The following RAD51AP2 variants were observed in gnomAD, a reference collection of about 807,000 sequenced individuals.
RAD51AP2 encodes RAD51 associated protein 2, also known as RAD51-associated protein 2.
RAD51AP2 carries 67 observed loss-of-function variants against 85.5 expected under a neutral mutation model. The observed-to-expected ratio is 0.78, with a 90% CI of 0.64 to 0.96. The LOEUF (loss-of-function observed/expected upper bound fraction) is 0.96, where lower values mean the gene tolerates loss of function less well. RAD51AP2 is among the 40% of genes least tolerant of loss of function. The probability of loss-of-function intolerance (pLI) is 0.00; values close to 1 mark genes in which losing one functional copy is unlikely to be tolerated. For synonymous variants in RAD51AP2, 474 were observed against 446.5 expected (o/e 1.06, Z -0.78); for missense variants, 1,307 against 1,332.4 (o/e 0.98, Z 0.30).
chr2:17,511,151 C>A (rs1308971880), intron 2 of RAD51AP2, among the ~76,000 whole-genome samples, 196 bp from the exon 3 acceptor site: 3 of 152,106 alleles, frequency 2.0e-5, no homozygotes, highest in Non-Finnish European at 4.4e-5. Flanking sequence ...AACATAAGCA[C>A]AAAAAGTTAA....
At chr2:17,522,800 C>T (rs1439782620), upstream of RAD51AP2, among the ~76,000 whole-genome samples, 1 of 151,738 alleles carries the variant, frequency 6.6e-6, no homozygotes, top group African/African-American at 2.4e-5. Context: ...TAGATTACTT[C>T]CTCCTTTTGT....
Position 17,510,597 on chromosome 2 carries a change from C to T in RAD51AP2, c.*207G>A, listed in dbSNP as rs554305708. 3.1e-5 allele frequency: 10 copies of T among 326,312 alleles called. No homozygotes were observed. The highest frequency in any genetic ancestry group is 1.1e-4 in the South Asian group (1 of 8,846). 20.2% of individuals were successfully genotyped at this position (326,312 alleles called of 1,614,324 possible). A position where few individuals can be genotyped will look rare whatever the true frequency, so the allele number is the denominator to read the frequency against. On this transcript the variant is annotated 3_prime_UTR_variant, in exon 3 of 3. Coordinates refer to ENST00000399080, the MANE Select transcript of RAD51AP2 (RefSeq NM_001099218.3). ...CAACATGTTTTATCCAATAATGAAA[C>T]GGCTTTAATGTGTACATTTTTATAT...
At chr2:17,533,777 T>C in the RAD51AP2 span, among the ~76,000 whole-genome samples, 1 of 152,134 alleles carries the variant, frequency 6.6e-6, no homozygotes, top group Non-Finnish European at 1.5e-5. Context: ...TAGTTAGGCA[T>C]AGGGGTGCAT....
the RAD51AP2 span, among the ~76,000 whole-genome samples, chr2:17,532,533 T>C: frequency 0.56 from 85,294 of 151,832 alleles, 26,902 homozygotes; most frequent in East Asian, 0.89. Flanking sequence ...AAAAAAAAAT[T>C]ATAAGAAAAA....
chr2:17,530,502 G>A, the RAD51AP2 span, among the ~76,000 whole-genome samples: 1 of 142,612 alleles, frequency 7.0e-6, no homozygotes, highest in Non-Finnish European at 1.5e-5. Context: ...GATTACTTGA[G>A]CCCAAGAGGT....
chr2:17,513,319 G>A (rs1428221294), intron 2 of RAD51AP2, among the ~76,000 whole-genome samples: 2 of 141,548 alleles, frequency 1.4e-5, no homozygotes, highest in Non-Finnish European at 3.0e-5. Context: ...CTCACTGCAA[G>A]CCCCGCCTCC....
chr2:17,533,865 T>C, the RAD51AP2 span, among the ~76,000 whole-genome samples: 1 of 152,314 alleles, frequency 6.6e-6, no homozygotes, highest in East Asian at 1.9e-4. Context: ...CAGTGAGCTA[T>C]GATTGTACCA....
chr2:17,512,963 A>G (rs1252237693), intron 2 of RAD51AP2, among the ~76,000 whole-genome samples: 1 of 152,208 alleles, frequency 6.6e-6, no homozygotes. Flanking sequence ...ATGCAGAAAA[A>G]ATGTTTTGAG....
chr2:17,513,019 C>T (rs1015116416), intron 2 of RAD51AP2, among the ~76,000 whole-genome samples: 8 of 152,080 alleles, frequency 5.3e-5, no homozygotes, highest in Non-Finnish European at 1.2e-4. Context: ...ATTTAACCTA[C>T]AATGTTACTC....
Position 17,516,265 on chromosome 2 carries a change from A to G in RAD51AP2, c.2151T>C (p.Val717=). The change falls in exon 1 of 3, where the codon GTT becomes GTC. Residue 717 remains valine (V), a synonymous_variant. Coordinates refer to ENST00000399080, the MANE Select transcript of RAD51AP2 (RefSeq NM_001099218.3). ...AGTGAGCCCAATTTTCCACATTCAC[A>G]ACTTGTTGAGGACAACTCATATTCT... is the stretch of plus-strand genomic sequence containing the variant. ...TCQNMSCPQQ[V]VNVENWAHYN... The G allele has an allele frequency of 6.8e-6, 11 of 1,610,944 alleles. No individual in the cohort carries two copies. The highest frequency in any genetic ancestry group is 9.3e-6 in the Non-Finnish European group (11 of 1,179,216).
chr2:17,516,919 G>T lies in RAD51AP2; in HGVS notation c.1497C>A (p.Val499=). The T allele has an allele frequency of 1.3e-6, 2 of 1,595,356 alleles. No individual in the cohort carries two copies. The highest frequency in any genetic ancestry group is 1.7e-6 in the Non-Finnish European group (2 of 1,172,880). ...TTTCAAAAGGGTTGTTCACATGAAA[G>T]ACTTTTTGTGTAGTATTGTATCTCA... is the stretch of plus-strand genomic sequence containing the variant. The part of the protein sequence containing the change: ...LQLRYNTTQK[V]FHVNNPFESF... Residue 499 remains valine, a synonymous_variant, in exon 1 of 3, where the codon GTC becomes GTA. Transcript: ENST00000399080.
the RAD51AP2 span, among the ~76,000 whole-genome samples, chr2:17,535,516 T>C: frequency 1.3e-5 from 2 of 152,108 alleles, no homozygotes; most frequent in African/African-American, 4.8e-5. Flanking sequence ...GATGAGAGGC[T>C]GAACTAATAC....
the RAD51AP2 span, among the ~76,000 whole-genome samples, chr2:17,531,461 A>G: frequency 6.6e-6 from 1 of 152,228 alleles, no homozygotes; most frequent in African/African-American, 2.4e-5. Context: ...GAATGTTTCT[A>G]AAAACATCAT....
Position 17,518,104 on chromosome 2 carries a change from G to A in RAD51AP2, c.312C>T (p.Cys104=). 2.5e-6 allele frequency: 4 copies of A among 1,614,200 alleles called. No homozygotes were observed. Among genetic ancestry groups the A allele is most frequent in the Non-Finnish European group, 3.4e-6 (4 of 1,180,032 alleles). ...VSGKQICNLK[C]SNLKFQMSSC... The stretch of plus-strand genomic sequence containing the variant: ...TACTCATTTGGAATTTGAGATTTGA[G>A]CATTTCAGATTACATATCTGCTTCC... Residue 104 remains cysteine, a synonymous_variant, in exon 1 of 3, where the codon TGC becomes TGT. Coordinates refer to ENST00000399080, the MANE Select transcript of RAD51AP2 (RefSeq NM_001099218.3).
In RAD51AP2 at chr2:17,515,249, T is replaced by TGGAA. The variant is rs1473544929; in HGVS notation, c.3166_3167insTTCC (p.Asn1056IlefsTer9). Reference sequence around the variant, plus strand: ...CTCATTAGGAACTTCCTGTTCTCCATTATTGGGTACAGTTTTCCATTTAAA... The same window carrying TGGAA: ...CTCATTAGGAACTTCCTGTTCTCCATGGAATATTGGGTACAGTTTTCCATTTAAA... On this transcript the variant is annotated frameshift_variant, in exon 1 of 3. Coordinates refer to ENST00000399080, the MANE Select transcript of RAD51AP2 (RefSeq NM_001099218.3). LOFTEE classifies it high-confidence loss of function. The TGGAA allele has an allele frequency of 6.2e-7, 1 of 1,612,984 alleles. No individual in the cohort carries two copies. Among genetic ancestry groups the TGGAA allele is most frequent in the Non-Finnish European group, 8.5e-7 (1 of 1,179,360 alleles).
the RAD51AP2 span, among the ~76,000 whole-genome samples, chr2:17,536,796 G>A: frequency 6.6e-6 from 1 of 152,130 alleles, no homozygotes; most frequent in East Asian, 1.9e-4. Context: ...TCTGCAGAAG[G>A]AGGCCTAAAA....
chr2:17,534,369 T>C, the RAD51AP2 span, among the ~76,000 whole-genome samples: 1 of 152,212 alleles, frequency 6.6e-6, no homozygotes, highest in Non-Finnish European at 1.5e-5. Flanking sequence ...TGCATATTCT[T>C]GTCATCCCAA....
chr2:17,532,627 G>T, the RAD51AP2 span, among the ~76,000 whole-genome samples: 1 of 152,010 alleles, frequency 6.6e-6, no homozygotes, highest in African/African-American at 2.4e-5. Context: ...TGGAGGCAAG[G>T]GAACCATTGA....
chr2:17,516,844 T>G lies in RAD51AP2; in HGVS notation c.1572A>C (p.Lys524Asn). 1 of 1,547,816 alleles carries G rather than the reference T, an allele frequency of 6.5e-7. No homozygotes were observed. The highest frequency in any genetic ancestry group is 1.2e-5 in the South Asian group (1 of 81,708). ...FYFHKSISGN[K>N]KDNSILTCCN... ...AGCAGGTTAAAATACTATTATCTTT[T>G]TTATTTCCTGAAATACTTTTATGGA... The change falls in exon 1 of 3, where the codon AAA becomes AAC. Residue 524 changes from lysine (K) to asparagine (N), a missense_variant. Around this residue, in one of 3 missense-constraint regions of RAD51AP2, gnomAD observed 635 missense variants for 643.6 expected, o/e 0.99. Transcript: ENST00000399080.
Sources: allele counts gnomAD v4.1 joint callset (sites outside exome capture counted in the v4.1 genomes callset), GRCh38; gene constraint gnomAD v4.1.1; regional missense constraint gnomAD v4.1.1; transcripts MANE v1.5; gene names NCBI Gene and HGNC (gene_info 2026-07-23, HGNC 2026-07-21).